The following FAM13A variants were observed in gnomAD, a reference collection of about 807,000 sequenced individuals.
FAM13A encodes the protein protein FAM13A.
In FAM13A, 76 loss-of-function variants were observed where a neutral mutation model predicts 129.6. That is an observed-to-expected ratio of 0.59 (90% CI 0.49 to 0.71). The LOEUF (loss-of-function observed/expected upper bound fraction) is 0.71, where lower values mean the gene tolerates loss of function less well. Among genes scored for constraint, FAM13A ranks in the 30% least tolerant of loss-of-function variants. The probability of loss-of-function intolerance (pLI) is 0.00; values close to 1 mark genes in which losing one functional copy is unlikely to be tolerated. For missense variants in FAM13A, 1,108 were observed against 1,249.3 expected, an observed-to-expected ratio of 0.89 and a Z score of 1.70; for synonymous variants, 443 against 449.9, an observed-to-expected ratio of 0.98 and a Z score of 0.20.
intron 6 of FAM13A, among the ~76,000 whole-genome samples, chr4:88,865,639 G>C (rs983167356): frequency 1.3e-5 from 2 of 152,284 alleles, no homozygotes; most frequent in Admixed American, 6.5e-5. Context: ...TTTCCGTAAA[G>C]GGCCAGATAG....
chr4:88,953,911 G>C (rs560613248), intron 4 of FAM13A, among the ~76,000 whole-genome samples: 1 of 151,966 alleles, frequency 6.6e-6, no homozygotes, highest in Non-Finnish European at 1.5e-5. Context: ...CTTCTTGTAC[G>C]TATTTTTAAA....
At chr4:89,009,742 G>A (rs534971152) in intron 3 of FAM13A, among the ~76,000 whole-genome samples, 1 of 152,270 alleles carries the variant, frequency 6.6e-6, no homozygotes, top group African/African-American at 2.4e-5. Flanking sequence ...AATATCAAGA[G>A]GAAGAAGAGA....
At chr4:89,055,355 A>G (rs1210098958) in intron 1 of FAM13A, among the ~76,000 whole-genome samples, 3 of 152,210 alleles carry the variant, frequency 2.0e-5, no homozygotes, top group Non-Finnish European at 2.9e-5. Context: ...GGAGAAGGGT[A>G]GAAATGATTG....
At chr4:88,902,815 A>G (rs1382300017) in intron 6 of FAM13A, among the ~76,000 whole-genome samples, 1 of 152,174 alleles carries the variant, frequency 6.6e-6, no homozygotes, top group South Asian at 2.1e-4. Context: ...GAGAAAGTCA[A>G]ACTATCCCTG....
At chr4:88,787,115 G>A (rs961107075) in intron 10 of FAM13A, among the ~76,000 whole-genome samples, 1 of 151,836 alleles carries the variant, frequency 6.6e-6, no homozygotes, top group Admixed American at 6.6e-5. Flanking sequence ...TAATATAAAT[G>A]GTAATTGTTC....
intron 17 of FAM13A, 109 bp downstream of exon 17, chr4:88,748,843 T>C: frequency 1.2e-6 from 1 of 816,836 alleles, no homozygotes; most frequent in Non-Finnish European, 2.2e-6. Context: ...CTGGGAAGCA[T>C]CTTTAAGGAC....
At chr4:88,971,077 G>A (rs1245639260) in intron 4 of FAM13A, among the ~76,000 whole-genome samples, 12 of 152,096 alleles carry the variant, frequency 7.9e-5, no homozygotes, top group South Asian at 2.1e-4. Context: ...GCGTGGTGGC[G>A]GGCGCCTGTA....
At chr4:88,765,079 G>A (rs1281165148) in intron 13 of FAM13A, among the ~76,000 whole-genome samples, 1 of 152,170 alleles carries the variant, frequency 6.6e-6, no homozygotes, top group African/African-American at 2.4e-5. Flanking sequence ...AAAAACTGGG[G>A]TCACAGTTGT....
At chr4:88,971,197 G>A (rs1409382764) in intron 4 of FAM13A, among the ~76,000 whole-genome samples, 1 of 152,142 alleles carries the variant, frequency 6.6e-6, no homozygotes, top group Non-Finnish European at 1.5e-5. Context: ...CAGCCTGGGC[G>A]ACAGAGTGAG....
At chr4:88,846,760 T>C (rs1210746090) in intron 7 of FAM13A, among the ~76,000 whole-genome samples, 1 of 152,218 alleles carries the variant, frequency 6.6e-6, no homozygotes, top group Non-Finnish European at 1.5e-5. Context: ...GATATTACCA[T>C]TTAAGACTAG....
chr4:88,836,029 C>T (rs1271386430), intron 7 of FAM13A, among the ~76,000 whole-genome samples: 2 of 152,116 alleles, frequency 1.3e-5, no homozygotes, highest in Non-Finnish European at 2.9e-5. Flanking sequence ...ATAAATTATA[C>T]AGTATATGTT....
intron 6 of FAM13A, among the ~76,000 whole-genome samples, chr4:88,889,857 T>C (rs1404576249): frequency 1.3e-5 from 2 of 152,150 alleles, no homozygotes; most frequent in African/African-American, 2.4e-5. Context: ...AACCGAGAAA[T>C]ACACTGATTT....
chr4:88,930,947 G>A (rs780892219), intron 5 of FAM13A, among the ~76,000 whole-genome samples: 1 of 152,178 alleles, frequency 6.6e-6, no homozygotes, highest in Non-Finnish European at 1.5e-5. Flanking sequence ...TAGGTGATGA[G>A]TGCAGCCATG....
chr4:89,044,113 C>CA (rs1204347797), intron 1 of FAM13A, among the ~76,000 whole-genome samples: 1 of 88,274 alleles, frequency 1.1e-5, no homozygotes, highest in African/African-American at 4.6e-5. Context: ...AAGACACTAA[C>CA]AACAGAGTGA....
At chr4:88,814,221 C>G (rs530255501) in intron 7 of FAM13A, among the ~76,000 whole-genome samples, 9 of 152,292 alleles carry the variant, frequency 5.9e-5, no homozygotes, top group South Asian at 2.1e-4. Context: ...GGCTGAGGTT[C>G]CAATCCAAGT....
intron 4 of FAM13A, among the ~76,000 whole-genome samples, chr4:88,959,926 A>G (rs1211016155): frequency 1.3e-5 from 2 of 152,178 alleles, no homozygotes; most frequent in Non-Finnish European, 2.9e-5. Context: ...CACTCTGAAC[A>G]CCTGCTTGCT....
At chr4:88,921,346 G>A (rs548921019) in intron 5 of FAM13A, among the ~76,000 whole-genome samples, 10 of 152,282 alleles carry the variant, frequency 6.6e-5, no homozygotes, top group African/African-American at 1.9e-4. Context: ...GACTAACAGC[G>A]GATCTCTCGG....
chr4:88,873,366 A>G (rs1199216006), intron 6 of FAM13A, among the ~76,000 whole-genome samples: 1 of 152,208 alleles, frequency 6.6e-6, no homozygotes, highest in East Asian at 1.9e-4. Context: ...GTTTTTTGAA[A>G]GGATCAACAA....
chr4:88,773,793 C>T (rs1721157705), intron 11 of FAM13A, among the ~76,000 whole-genome samples: 1 of 152,174 alleles, frequency 6.6e-6, no homozygotes, highest in Non-Finnish European at 1.5e-5. Flanking sequence ...GAATTCTTTA[C>T]TAGATTCTGT....
Sources: allele counts gnomAD v4.1 joint callset (sites outside exome capture counted in the v4.1 genomes callset), GRCh38; gene constraint gnomAD v4.1.1; transcripts MANE v1.5; gene names NCBI Gene and HGNC (gene_info 2026-07-23, HGNC 2026-07-21).